PLSCR4: variants seen among roughly 807,000 people sequenced by gnomAD.
PLSCR4 encodes the protein phospholipid scramblase 4, also known as Ca(2+)-dependent phospholipid scramblase 4.
Under a neutral mutation model 36.3 loss-of-function variants are expected in PLSCR4, and 25 were observed. That is an observed-to-expected ratio of 0.69 (90% confidence interval 0.50 to 0.96). The LOEUF is 0.96. Ranked by LOEUF, PLSCR4 falls within the 40% of genes least tolerant of loss-of-function variation. PLSCR4 has a pLI of 0.00. For synonymous variants in PLSCR4, 122 were observed against 132.9 expected, an observed-to-expected ratio of 0.92 and a Z score of 0.56; for missense variants, 408 against 414.7, an observed-to-expected ratio of 0.98 and a Z score of 0.14.
intron 8 of PLSCR4, 37 bp from the exon 9 acceptor site, chr3:146,194,492 A>C: frequency 8.5e-7 from 1 of 1,174,196 alleles, no homozygotes; most frequent in Non-Finnish European, 1.3e-6. Context: ...AGATATATAG[A>C]TAATTAGGTA....
intron 7 of PLSCR4, 89 bp downstream of exon 7, chr3:146,196,543 T>A: frequency 1.7e-6 from 2 of 1,174,084 alleles, no homozygotes; most frequent in Non-Finnish European, 1.2e-6. Flanking sequence ...TCATTCACAT[T>A]AAAAAAAAAT....
chr3:146,234,725 G>A (rs2035847165), intron 1 of PLSCR4, among the ~76,000 whole-genome samples: 1 of 152,146 alleles, frequency 6.6e-6, no homozygotes, highest in African/African-American at 2.4e-5. Flanking sequence ...GCTTGGGATT[G>A]TCCCTATAAA....
intron 1 of PLSCR4, among the ~76,000 whole-genome samples, chr3:146,246,292 C>T (rs2036335748): frequency 6.6e-6 from 1 of 151,800 alleles, no homozygotes; most frequent in Non-Finnish European, 1.5e-5. Context: ...AGGGCAAAAC[C>T]TAAGATTTTT....
intron 3 of PLSCR4, among the ~76,000 whole-genome samples, chr3:146,215,619 G>A (rs2034855802): frequency 6.6e-6 from 1 of 152,090 alleles, no homozygotes; most frequent in Admixed American, 6.5e-5. Context: ...CTTGTAATGT[G>A]TGTATATGTA....
chr3:146,236,968 A>G (rs78990922), intron 1 of PLSCR4, among the ~76,000 whole-genome samples: 2,561 of 152,302 alleles, frequency 0.017, 78 homozygotes, highest in African/African-American at 0.058. Context: ...TTCCTACCTT[A>G]CCAGTAATTA....
At chr3:146,216,682 G>A (rs552082155) in intron 3 of PLSCR4, among the ~76,000 whole-genome samples, 5 of 152,080 alleles carry the variant, frequency 3.3e-5, no homozygotes, top group Admixed American at 6.5e-5. Context: ...CTGCAGAAAC[G>A]TCCTTAAATA....
At chr3:146,216,739 C>G (rs1005743724) in intron 3 of PLSCR4, among the ~76,000 whole-genome samples, 1 of 70,616 alleles carries the variant, frequency 1.4e-5, no homozygotes, top group Admixed American at 1.4e-4. Flanking sequence ...AAGAAGAGCA[C>G]CCCAGGCGTG....
At chr3:146,250,563 G>A (rs2036505616) in intron 1 of PLSCR4, 3 of 152,106 alleles carry the variant, frequency 2.0e-5, no homozygotes, top group Admixed American at 2.0e-4. Flanking sequence ...TTACCTGCGA[G>A]TGGCCTGGCC....
At position 146,195,301 on chromosome 3, in the gene PLSCR4, G is replaced by C; in HGVS notation, c.787-19C>G. On this transcript the variant is annotated intron_variant, in intron 7 of 8. Coordinates refer to ENST00000354952, the MANE Select transcript of PLSCR4 (RefSeq NM_020353.3). ...ATTTGACCTGGAATGACAAGAATGT[G>C]CCTTTATGATGATTGAAACGCATTG... is the stretch of plus-strand genomic sequence containing the variant. The C allele has an allele frequency of 6.2e-7, 1 of 1,602,402 alleles. No homozygotes were observed. The highest frequency in any genetic ancestry group is 8.5e-7 in the Non-Finnish European group (1 of 1,169,992).
intron 1 of PLSCR4, among the ~76,000 whole-genome samples, chr3:146,241,382 A>G (rs560313405): frequency 6.6e-6 from 1 of 152,298 alleles, no homozygotes; most frequent in African/African-American, 2.4e-5. Context: ...GGTTATACTA[A>G]TATCTCACAA....
At chr3:146,235,253 G>A (rs529732196) in intron 1 of PLSCR4, among the ~76,000 whole-genome samples, 1 of 152,048 alleles carries the variant, frequency 6.6e-6, no homozygotes, top group South Asian at 2.1e-4. Flanking sequence ...TGGGTGATGG[G>A]GGTGCTTTCT....
chr3:146,195,399 A>G, intron 7 of PLSCR4, 117 bp from the exon 8 acceptor site: 1 of 839,610 alleles, frequency 1.2e-6, no homozygotes, highest in Non-Finnish European at 1.9e-6. Flanking sequence ...GTAATTATAT[A>G]ATTTGAAATG....
At position 146,196,798 on chromosome 3, in the gene PLSCR4, AAAC is replaced by A. The variant is rs1559896486; in HGVS notation, c.625-8_625-6del. 6.2e-7 allele frequency: 1 copy of A among 1,613,344 alleles called. No individual in the cohort carries two copies. The highest frequency in any genetic ancestry group is 8.5e-7 in the Non-Finnish European group (1 of 1,179,648). The stretch of plus-strand genomic sequence containing the variant: ...AGGAGGACACTGCACCTCCAGCTGC[AAAC>A]AAAACAGTGACAGAAGTTAGGATGC... On this transcript the variant is annotated splice_polypyrimidine_tract_variant and splice_region_variant and intron_variant, in intron 6 of 8. Transcript: ENST00000354952.
chr3:146,226,988 T>C (rs993971394), intron 1 of PLSCR4, among the ~76,000 whole-genome samples: 1 of 152,106 alleles, frequency 6.6e-6, no homozygotes, highest in Non-Finnish European at 1.5e-5. Context: ...TTCCCTTTCT[T>C]ATAAAATTTT....
chr3:146,231,489 C>A (rs979878170), intron 1 of PLSCR4, among the ~76,000 whole-genome samples: 24 of 152,078 alleles, frequency 1.6e-4, no homozygotes, highest in African/African-American at 5.8e-4. Flanking sequence ...AGTATATAAG[C>A]ATTCCTTTTT....
intron 1 of PLSCR4, chr3:146,250,521 G>A (rs2036504039): frequency 6.6e-6 from 1 of 152,096 alleles, no homozygotes. Flanking sequence ...TCCACTCGCT[G>A]AGCAATTAAA....
chr3:146,250,459 CCA>C (rs1416298306), intron 1 of PLSCR4: 9 of 152,124 alleles, frequency 5.9e-5, no homozygotes, highest in Admixed American at 5.9e-4. Context: ...CCAAATCGCC[CCA>C]GTTTGCCAGA....
intron 1 of PLSCR4, among the ~76,000 whole-genome samples, chr3:146,238,253 T>C (rs915894847): frequency 6.6e-6 from 1 of 150,488 alleles, no homozygotes; most frequent in Non-Finnish European, 1.5e-5. Context: ...TTCTACCAAA[T>C]ACTTAATAAG....
At chr3:146,208,900 C>T (rs1048824845) in intron 3 of PLSCR4, among the ~76,000 whole-genome samples, 3 of 152,080 alleles carry the variant, frequency 2.0e-5, no homozygotes. Flanking sequence ...ATCCAGCAAT[C>T]CCACTACTGG....
Sources: allele counts gnomAD v4.1 joint callset (sites outside exome capture counted in the v4.1 genomes callset), GRCh38; gene constraint gnomAD v4.1.1; transcripts MANE v1.5; gene names NCBI Gene and HGNC (gene_info 2026-07-23, HGNC 2026-07-21).